DARS1: variants seen among roughly 807,000 people sequenced by gnomAD.
DARS1 encodes aspartate--tRNA ligase, cytoplasmic.
A neutral mutation model predicts 68.8 loss-of-function variants in DARS1; 51 were observed. The observed-to-expected ratio is 0.74, with a 90% confidence interval of 0.59 to 0.94. DARS1 has a LOEUF of 0.94. Ranked by LOEUF, DARS1 falls within the 40% of genes least tolerant of loss-of-function variation. The pLI is 0.00. For missense variants in DARS1, 607 were observed against 597.3 expected, an observed-to-expected ratio of 1.02 and a Z score of -0.17; for synonymous variants, 203 against 190.4, an observed-to-expected ratio of 1.07 and a Z score of -0.55.
At chr2:135,985,065 G>C (rs1682740895) in intron 1 of DARS1, 2 of 352,538 alleles carry the variant, frequency 5.7e-6, no homozygotes, top group East Asian at 8.9e-5. Flanking sequence ...AATTTTCCCA[G>C]GGATTGTGCA....
intron 8 of DARS1, 135 bp from the exon 9 acceptor site, chr2:135,923,053 A>G (rs1681139269): frequency 6.6e-6 from 7 of 1,056,118 alleles, no homozygotes; most frequent in Non-Finnish European, 8.6e-6. Context: ...TGGCTAAATC[A>G]CAGTCTATAT....
chr2:135,912,283 T>C (rs779332007), intron 13 of DARS1, among the ~76,000 whole-genome samples: 16 of 152,244 alleles, frequency 1.1e-4, no homozygotes, highest in Admixed American at 3.3e-4. Flanking sequence ...GATTTTAACA[T>C]AGGTTTTTAA....
rs761997922 is a variant in DARS1, at chr2:135,916,354, T to C, written c.978A>G (p.Gln326=). The change falls in exon 11 of 16, where the codon CAA becomes CAG. Residue 326 remains glutamine (Q), a synonymous_variant. Coordinates refer to ENST00000264161, the MANE Select transcript of DARS1 (RefSeq NM_001349.4). ...GLQERFQTEI[Q]TVNKQFPCEP... Reference sequence around the variant, plus strand: ...CACATGGGAACTGTTTATTCACTGTTTGAATTTCAGTCTGAAACCTATTTG... The same window carrying C: ...CACATGGGAACTGTTTATTCACTGTCTGAATTTCAGTCTGAAACCTATTTG... 2.0e-6 allele frequency: 3 copies of C among 1,522,468 alleles called. No homozygotes were observed. The highest frequency in any genetic ancestry group is 1.8e-6 in the Non-Finnish European group (2 of 1,096,846). The allele number at this position is 1,522,468 out of a possible 1,614,324, so 94.3% of individuals were successfully genotyped here. A position where few individuals can be genotyped will look rare whatever the true frequency, so the allele number is the denominator to read the frequency against.
intron 4 of DARS1, among the ~76,000 whole-genome samples, chr2:135,944,793 A>G (rs749358756): frequency 2.0e-5 from 3 of 152,206 alleles, no homozygotes; most frequent in Non-Finnish European, 4.4e-5. Flanking sequence ...AATACTTGCA[A>G]TCTAGTGTCA....
At chr2:135,941,668 T>G (rs553337433) in intron 5 of DARS1, among the ~76,000 whole-genome samples, 1 of 150,652 alleles carries the variant, frequency 6.6e-6, no homozygotes. Flanking sequence ...TGGGATCTAA[T>G]TAAACTAAAG....
At chr2:135,928,608 A>G (rs547179020) in intron 7 of DARS1, among the ~76,000 whole-genome samples, 2 of 144,286 alleles carry the variant, frequency 1.4e-5, no homozygotes, top group South Asian at 2.2e-4. Flanking sequence ...TCAGCCTCCC[A>G]AAGTGCTGGG....
At chr2:135,984,525 TAC>T (rs1235716163) in intron 1 of DARS1, among the ~76,000 whole-genome samples, 1 of 152,170 alleles carries the variant, frequency 6.6e-6, no homozygotes, top group Non-Finnish European at 1.5e-5. Flanking sequence ...AGTAGAGAGA[TAC>T]AGTCACACAA....
At chr2:135,912,437 A>C in intron 13 of DARS1, 49 bp downstream of exon 13, 1 of 737,502 alleles carries the variant, frequency 1.4e-6, no homozygotes, top group South Asian at 1.6e-5. Context: ...AGTGACAATA[A>C]AATTTCCCTT....
chr2:135,971,458 T>C (rs1257021191), intron 3 of DARS1, among the ~76,000 whole-genome samples: 1 of 152,130 alleles, frequency 6.6e-6, no homozygotes, highest in African/African-American at 2.4e-5. Flanking sequence ...ATAAAAGCCA[T>C]ATACGACAGA....
intron 9 of DARS1, among the ~76,000 whole-genome samples, chr2:135,920,897 T>G (rs1378334079): frequency 6.6e-6 from 1 of 151,956 alleles, no homozygotes; most frequent in Admixed American, 6.6e-5. Context: ...AAAAATATAT[T>G]CAATTATGAC....
At chr2:135,982,738 G>T (rs1682665683) in intron 2 of DARS1, among the ~76,000 whole-genome samples, 1 of 152,152 alleles carries the variant, frequency 6.6e-6, no homozygotes, top group South Asian at 2.1e-4. Context: ...TGGAGTGGGG[G>T]TGGAGGCTTT....
At chr2:135,970,881 T>C (rs1402236198) in intron 3 of DARS1, among the ~76,000 whole-genome samples, 1 of 152,072 alleles carries the variant, frequency 6.6e-6, no homozygotes, top group Non-Finnish European at 1.5e-5. Flanking sequence ...ACATACAACC[T>C]ACCAAGATTG....
chr2:135,928,902 T>C (rs1575389063), intron 7 of DARS1, among the ~76,000 whole-genome samples: 1 of 152,132 alleles, frequency 6.6e-6, no homozygotes, highest in African/African-American at 2.4e-5. Context: ...GCCAGAATTA[T>C]GTAGAATTTC....
At chr2:135,923,567 C>CATG (rs1681152000) in intron 8 of DARS1, among the ~76,000 whole-genome samples, 1 of 152,140 alleles carries the variant, frequency 6.6e-6, no homozygotes, top group South Asian at 2.1e-4. Context: ...GGATTACAGG[C>CATG]ATGAGCCACT....
At chr2:135,914,387 C>G in intron 12 of DARS1, 82 bp downstream of exon 12, 2 of 830,474 alleles carry the variant, frequency 2.4e-6, no homozygotes, top group South Asian at 2.8e-5. Flanking sequence ...TTCTAGGAAG[C>G]TCAGACCCCT....
chr2:135,924,613 C>G, intron 7 of DARS1, 115 bp from the exon 8 acceptor site: 1 of 1,414,676 alleles, frequency 7.1e-7, no homozygotes, highest in Non-Finnish European at 9.3e-7. Flanking sequence ...TTTTTAAATT[C>G]TAATAATTGG....
chr2:135,912,069 A>G (rs980033685), intron 13 of DARS1, among the ~76,000 whole-genome samples: 1 of 152,080 alleles, frequency 6.6e-6, no homozygotes, highest in Admixed American at 6.6e-5. Context: ...GATGCATGGT[A>G]AAGTTTAGAA....
At chr2:135,956,070 A>G (rs1466675895) in intron 4 of DARS1, among the ~76,000 whole-genome samples, 1 of 152,204 alleles carries the variant, frequency 6.6e-6, no homozygotes, top group Non-Finnish European at 1.5e-5. Flanking sequence ...TTCTCACGCA[A>G]GTAGAAATAA....
chr2:135,970,788 T>C (rs1048602159), intron 3 of DARS1, among the ~76,000 whole-genome samples: 7 of 152,012 alleles, frequency 4.6e-5, no homozygotes, highest in African/African-American at 7.2e-5. Context: ...ACTGATACCA[T>C]AGAAATTCAA....
Sources: allele counts gnomAD v4.1 joint callset (sites outside exome capture counted in the v4.1 genomes callset), GRCh38; gene constraint gnomAD v4.1.1; transcripts MANE v1.5; gene names NCBI Gene and HGNC (gene_info 2026-07-23, HGNC 2026-07-21).